SENP2: variants seen among roughly 807,000 people sequenced by gnomAD.
SENP2 encodes sentrin-specific protease 2.
Under a neutral mutation model 86.3 loss-of-function variants are expected in SENP2, and 16 were observed. The ratio of observed to expected loss-of-function variants is 0.19; its 90% confidence interval spans 0.13 to 0.28. SENP2 has a LOEUF of 0.28. Among genes scored for constraint, SENP2 ranks in the 10% least tolerant of loss-of-function variants. The pLI is 1.00. For synonymous variants in SENP2, 222 were observed against 238.7 expected, an observed-to-expected ratio of 0.93 and a Z score of 0.64; for missense variants, 552 against 703.0, an observed-to-expected ratio of 0.79 and a Z score of 2.43.
Position 185,630,246 on chromosome 3 carries a change from T to C in SENP2, c.*402T>C. 1 of 169,206 alleles carries C rather than the reference T, an allele frequency of 5.9e-6. No homozygotes were observed. Among genetic ancestry groups the C allele is most frequent in the Non-Finnish European group, 1.3e-5 (1 of 76,820 alleles). The allele number at this position is 169,206 out of a possible 1,614,324, so 10.5% of individuals were successfully genotyped here. On this transcript the variant is annotated 3_prime_UTR_variant, in exon 17 of 17. Coordinates refer to ENST00000296257, the MANE Select transcript of SENP2 (RefSeq NM_021627.3). ...ATGGGCAGTGGTCATTTACTGCTGC[T>C]CTTTTACAGTTAGCTCTAAATTACT...
chr3:185,616,357 G>A (rs1407531250), intron 11 of SENP2, among the ~76,000 whole-genome samples: 2 of 149,922 alleles, frequency 1.3e-5, no homozygotes, highest in African/African-American at 4.9e-5. Flanking sequence ...TGTAATTCCA[G>A]CTAATCAGGA....
chr3:185,615,585 C>T (rs969684662), intron 11 of SENP2, among the ~76,000 whole-genome samples: 4 of 152,056 alleles, frequency 2.6e-5, no homozygotes, highest in Non-Finnish European at 5.9e-5. Context: ...CTTAGATGAT[C>T]TACCCACCTC....
At chr3:185,614,390 C>CT in intron 10 of SENP2, 174 bp from the exon 11 acceptor site, 2 of 608,676 alleles carry the variant, frequency 3.3e-6, no homozygotes, top group Non-Finnish European at 5.5e-6. Context: ...AGGTCTGGAG[C>CT]TTTTTTTGCT....
intron 1 of SENP2, among the ~76,000 whole-genome samples, chr3:185,588,008 G>A (rs1721852123): frequency 6.7e-6 from 1 of 148,526 alleles, no homozygotes; most frequent in Non-Finnish European, 1.5e-5. Flanking sequence ...CAAAGTGCTG[G>A]GATTACAGGC....
At chr3:185,589,906 C>T (rs1161976859) in intron 1 of SENP2, among the ~76,000 whole-genome samples, 4 of 152,046 alleles carry the variant, frequency 2.6e-5, no homozygotes, top group Non-Finnish European at 4.4e-5. Context: ...AAGGCTCAAG[C>T]GATCCTCCCC....
intron 2 of SENP2, among the ~76,000 whole-genome samples, chr3:185,595,797 ATTTTT>A (rs1011999597): frequency 7.7e-6 from 1 of 130,142 alleles, no homozygotes; most frequent in Admixed American, 7.9e-5. Context: ...TGAGCCTGAG[ATTTTT>A]TTTTTTTTTT....
chr3:185,622,912 G>T (rs1186019908), intron 14 of SENP2, among the ~76,000 whole-genome samples: 1 of 148,964 alleles, frequency 6.7e-6, no homozygotes, highest in Non-Finnish European at 1.5e-5. Context: ...TGCCTCCTGG[G>T]TTCAAGTGAT....
At chr3:185,593,792 G>A (rs1221481077) in intron 2 of SENP2, among the ~76,000 whole-genome samples, 3 of 148,942 alleles carry the variant, frequency 2.0e-5, no homozygotes, top group South Asian at 4.2e-4. Flanking sequence ...GCAATGGTGC[G>A]ATCTTGGCTT....
At chr3:185,599,242 A>G (rs540479981) in intron 4 of SENP2, among the ~76,000 whole-genome samples, 119 of 152,332 alleles carry the variant, frequency 7.8e-4, no homozygotes, top group Non-Finnish European at 1.3e-3. Flanking sequence ...TGTGACTTAG[A>G]TCAAGGTCAT....
intron 2 of SENP2, among the ~76,000 whole-genome samples, chr3:185,593,181 A>G (rs560185394): frequency 5.8e-4 from 89 of 152,320 alleles, no homozygotes; most frequent in African/African-American, 2.0e-3. Flanking sequence ...AGGGAATAGT[A>G]TGGGAAAGTT....
intron 2 of SENP2, among the ~76,000 whole-genome samples, chr3:185,597,452 C>T (rs986243556): frequency 5.3e-5 from 8 of 150,802 alleles, no homozygotes; most frequent in African/African-American, 1.7e-4. Flanking sequence ...TCCCAGGTTC[C>T]AGCGATTCTC....
Position 185,631,200 on chromosome 3 carries a change from G to A in SENP2, c.*1356G>A, listed in dbSNP as rs574087592. On this transcript the variant is annotated 3_prime_UTR_variant, in exon 17 of 17. Transcript: ENST00000296257. ...AGGTAAAACTGGAAAAATTGTGCAC[G>A]TGTTACCTATGAATCTACACGCCTG... The A allele has an allele frequency of 7.2e-5, 11 of 151,992 alleles. No homozygotes were observed. The highest frequency in any genetic ancestry group is 1.7e-4 in the African/African-American group (7 of 41,358). The allele number at this position is 151,992 out of a possible 1,614,324, so 9.4% of individuals were successfully genotyped here.
At chr3:185,627,105 A>T (rs1560203121) in intron 16 of SENP2, among the ~76,000 whole-genome samples, 1 of 151,762 alleles carries the variant, frequency 6.6e-6, no homozygotes, top group Non-Finnish European at 1.5e-5. Context: ...AAAAAAAAAA[A>T]AATAGTAGTA....
intron 2 of SENP2, among the ~76,000 whole-genome samples, chr3:185,595,647 C>A (rs1009689205): frequency 6.6e-6 from 1 of 152,030 alleles, no homozygotes; most frequent in Non-Finnish European, 1.5e-5. Context: ...TCTTCAAATA[C>A]CCTTAATTAG....
At chr3:185,616,342 G>T (rs1711602794) in intron 11 of SENP2, among the ~76,000 whole-genome samples, 1 of 150,690 alleles carries the variant, frequency 6.6e-6, no homozygotes, top group South Asian at 2.1e-4. Flanking sequence ...ATGGTGGTGT[G>T]CACCTGTAAT....
intron 5 of SENP2, among the ~76,000 whole-genome samples, chr3:185,604,526 A>G (rs1269867945): frequency 2.6e-5 from 4 of 152,154 alleles, no homozygotes; most frequent in Admixed American, 2.0e-4. Context: ...TTCTACCACA[A>G]TTGTGGATTT....
At chr3:185,627,399 CTT>C (rs139876720) in intron 16 of SENP2, among the ~76,000 whole-genome samples, 487 of 152,202 alleles carry the variant, frequency 3.2e-3, no homozygotes, top group African/African-American at 0.011. Flanking sequence ...CTGTTCTGCT[CTT>C]TTGTGTTTGT....
Position 185,590,172 on chromosome 3 carries a change from A to G in SENP2, c.157+3A>G, listed in dbSNP as rs182354412. On this transcript the variant is annotated splice_donor_region_variant and intron_variant, in intron 2 of 16. Coordinates refer to ENST00000296257, the MANE Select transcript of SENP2 (RefSeq NM_021627.3). ...ACCAGCCAAAAGACCAAGATTAGGT[A>G]CTGAATATAAATTTTAAAAATTTTT... 76 of 1,511,654 alleles carry G rather than the reference A, an allele frequency of 5.0e-5. No homozygotes were observed. The Admixed American group carries it at 1.0e-3, about 21-fold the overall frequency. The allele number at this position is 1,511,654 out of a possible 1,614,324, so 93.6% of individuals were successfully genotyped here.
chr3:185,628,516 TTTTG>T (rs1233570308), intron 16 of SENP2, among the ~76,000 whole-genome samples: 1 of 151,996 alleles, frequency 6.6e-6, no homozygotes, highest in African/African-American at 2.4e-5. Context: ...GAACTTCTTT[TTTTG>T]TTTGAGACGG....
Sources: allele counts gnomAD v4.1 joint callset (sites outside exome capture counted in the v4.1 genomes callset), GRCh38; gene constraint gnomAD v4.1.1; transcripts MANE v1.5; gene names NCBI Gene and HGNC (gene_info 2026-07-23, HGNC 2026-07-21).